The following PKIB variants were observed in gnomAD, a reference collection of about 807,000 sequenced individuals.
PKIB encodes the protein PKI-beta.
Under a neutral mutation model 4.5 loss-of-function variants are expected in PKIB, and 2 were observed. The observed-to-expected ratio is 0.44, with a 90% confidence interval of 0.18 to 1.39. PKIB has a LOEUF of 1.39. PKIB is among the 40% of genes most tolerant of loss of function. The probability of loss-of-function intolerance (pLI) is 0.27; values close to 1 mark genes in which losing one functional copy is unlikely to be tolerated. For synonymous variants in PKIB, 38 were observed against 36.0 expected (o/e 1.06, Z -0.20); for missense variants, 94 against 92.6 (o/e 1.02, Z -0.06).
At chr6:122,604,727 A>G (rs757636543) in intron 3 of PKIB, among the ~76,000 whole-genome samples, 13 of 152,238 alleles carry the variant, frequency 8.5e-5, no homozygotes, top group Non-Finnish European at 1.5e-4. Context: ...AATTTTACTC[A>G]GATTACACAG....
intron 3 of PKIB, among the ~76,000 whole-genome samples, chr6:122,687,536 T>C (rs1778141120): frequency 6.6e-6 from 1 of 152,198 alleles, no homozygotes; most frequent in South Asian, 2.1e-4. Flanking sequence ...AGGGACTGTA[T>C]TTAATCTGTA....
chr6:122,518,631 G>A (rs971478830), intron 2 of PKIB, among the ~76,000 whole-genome samples: 5 of 151,944 alleles, frequency 3.3e-5, no homozygotes, highest in African/African-American at 1.2e-4. Context: ...GGTGCTGAGA[G>A]GGCCTCTGGC....
At chr6:122,582,709 A>G (rs961542215) in intron 2 of PKIB, among the ~76,000 whole-genome samples, 1 of 152,074 alleles carries the variant, frequency 6.6e-6, no homozygotes, top group Non-Finnish European at 1.5e-5. Context: ...ACTGCTTGTG[A>G]TAAAGGAACT....
At chr6:122,593,170 AG>A (rs1774066629) in intron 3 of PKIB, among the ~76,000 whole-genome samples, 1 of 152,188 alleles carries the variant, frequency 6.6e-6, no homozygotes, top group Non-Finnish European at 1.5e-5. Context: ...CTGTGTCTAC[AG>A]ATTTGTGCAC....
intron 2 of PKIB, among the ~76,000 whole-genome samples, chr6:122,505,758 G>T (rs1420254840): frequency 6.6e-6 from 1 of 152,042 alleles, no homozygotes; most frequent in Non-Finnish European, 1.5e-5. Context: ...AGTATTATAT[G>T]AATAGGGAGT....
chr6:122,700,526 G>T (rs1245079219), intron 3 of PKIB, among the ~76,000 whole-genome samples: 1 of 152,110 alleles, frequency 6.6e-6, no homozygotes, highest in East Asian at 1.9e-4. Context: ...TAACCTCAAG[G>T]ATTAGGATCT....
At chr6:122,695,154 A>C (rs1418538652) in intron 3 of PKIB, among the ~76,000 whole-genome samples, 3 of 152,222 alleles carry the variant, frequency 2.0e-5, no homozygotes, top group Non-Finnish European at 2.9e-5. Context: ...ATTAAACAAA[A>C]ATTTATATTG....
chr6:122,539,910 G>A (rs1487274352), intron 2 of PKIB, among the ~76,000 whole-genome samples: 1 of 152,044 alleles, frequency 6.6e-6, no homozygotes, highest in Admixed American at 6.5e-5. Flanking sequence ...TTAGTCTTGG[G>A]AGGGTGTATG....
chr6:122,584,850 A>G (rs1284364318), intron 2 of PKIB, among the ~76,000 whole-genome samples: 1 of 152,138 alleles, frequency 6.6e-6, no homozygotes, highest in African/African-American at 2.4e-5. Flanking sequence ...ACACTGGGAC[A>G]CAATGGGGAC....
chr6:122,593,577 A>C (rs1774079610), intron 3 of PKIB, among the ~76,000 whole-genome samples: 2 of 152,216 alleles, frequency 1.3e-5, no homozygotes, highest in Non-Finnish European at 2.9e-5. Context: ...TCCCTTGTTG[A>C]TAATGAATAA....
chr6:122,596,795 G>T (rs979447761), intron 3 of PKIB, among the ~76,000 whole-genome samples: 2 of 152,128 alleles, frequency 1.3e-5, no homozygotes, highest in African/African-American at 4.8e-5. Flanking sequence ...TGGATCTGTC[G>T]GGTCATATGG....
chr6:122,613,204 C>A (rs1250205193), intron 1 of PKIB, among the ~76,000 whole-genome samples: 2 of 152,146 alleles, frequency 1.3e-5, no homozygotes, highest in Non-Finnish European at 1.5e-5. Flanking sequence ...TTAGCCAGCT[C>A]TGAATGGCTG....
At chr6:122,619,800 G>C (rs1248860592) in intron 1 of PKIB, among the ~76,000 whole-genome samples, 2 of 151,898 alleles carry the variant, frequency 1.3e-5, no homozygotes, top group Non-Finnish European at 2.9e-5. Flanking sequence ...TCTTTGTGTT[G>C]AAACTTTGTT....
Position 122,604,215 on chromosome 6 carries a change from A to T in PKIB, c.-161+18208A>T, listed in dbSNP as rs142520342. 2.6e-3 allele frequency among the ~76,000 whole-genome samples: 390 copies of T among 152,326 alleles called. 1 individual carries two copies. Among genetic ancestry groups the T allele is most frequent in the African/African-American group, 9.0e-3 (374 of 41,578 alleles). ...GCTGACAGTGATAGTAGAGTTAGACAATACACATGAAAAGTTTTAAGGGCA... is the reference window on the plus strand; with the variant it reads ...GCTGACAGTGATAGTAGAGTTAGACTATACACATGAAAAGTTTTAAGGGCA... On this transcript the variant is annotated intron_variant, in intron 3 of 6. Coordinates refer to the PKIB transcript ENST00000392491.
chr6:122,710,805 A>G (rs990158450), intron 3 of PKIB, among the ~76,000 whole-genome samples: 5 of 152,098 alleles, frequency 3.3e-5, no homozygotes, highest in Admixed American at 3.3e-4. Context: ...TTTGAATTGA[A>G]CCCTAACTTC....
At chr6:122,570,938 T>C (rs1312147523) in intron 2 of PKIB, among the ~76,000 whole-genome samples, 2 of 152,024 alleles carry the variant, frequency 1.3e-5, no homozygotes, top group Non-Finnish European at 2.9e-5. Context: ...GTCAGAAGGT[T>C]GATTATTAAG....
intron 1 of PKIB, among the ~76,000 whole-genome samples, chr6:122,615,797 C>A (rs956212817): frequency 6.6e-6 from 1 of 152,094 alleles, no homozygotes; most frequent in Admixed American, 6.6e-5. Flanking sequence ...CCAAGGGATG[C>A]CAAGGTTTGC....
At chr6:122,656,133 A>C (rs1776767923) in intron 2 of PKIB, among the ~76,000 whole-genome samples, 1 of 152,128 alleles carries the variant, frequency 6.6e-6, no homozygotes, top group Non-Finnish European at 1.5e-5. Flanking sequence ...ACAAATATTT[A>C]TATATAAAAA....
intron 2 of PKIB, among the ~76,000 whole-genome samples, chr6:122,576,689 A>AAAATATAC (rs1345822382): frequency 2.9e-5 from 1 of 34,316 alleles, no homozygotes; most frequent in African/African-American, 1.3e-4. Context: ...AAAAAAAAAA[A>AAAATATAC]ATATATATAT....
Sources: allele counts gnomAD v4.1 joint callset (sites outside exome capture counted in the v4.1 genomes callset), GRCh38; gene constraint gnomAD v4.1.1; transcripts MANE v1.5; gene names NCBI Gene and HGNC (gene_info 2026-07-23, HGNC 2026-07-21).